Variants in AGBL4 observed in about 807,000 individuals in gnomAD.
AGBL4 encodes AGBL carboxypeptidase 4.
Under a neutral mutation model 66.4 loss-of-function variants are expected in AGBL4, and 58 were observed. The observed-to-expected ratio is 0.87, with a 90% CI of 0.71 to 1.09. AGBL4 has a LOEUF of 1.09. AGBL4 is among the 50% of genes least tolerant of loss of function. AGBL4 has a pLI of 0.00. For synonymous variants in AGBL4, 234 were observed against 222.9 expected (o/e 1.05, Z -0.44); for missense variants, 579 against 631.0 (o/e 0.92, Z 0.88).
intron 4 of AGBL4, among the ~76,000 whole-genome samples, chr1:49,156,063 T>C (rs1338770499): frequency 6.6e-6 from 1 of 152,224 alleles, no homozygotes; most frequent in Admixed American, 6.5e-5. Context: ...ATGCTGAATC[T>C]CTGACTCTTG....
At chr1:48,523,570 GA>G in the AGBL4 span, among the ~76,000 whole-genome samples, 3 of 152,228 alleles carry the variant, frequency 2.0e-5, no homozygotes, top group African/African-American at 7.2e-5. Flanking sequence ...AAGGATAAAT[GA>G]ATAAAAGAAA....
At chr1:49,286,706 T>C (rs1245239084) in intron 3 of AGBL4, among the ~76,000 whole-genome samples, 5 of 151,418 alleles carry the variant, frequency 3.3e-5, no homozygotes, top group African/African-American at 9.7e-5. Context: ...CTCAAGGAAA[T>C]AAAAGAGGAT....
chr1:48,791,186 G>A (rs559987704), intron 6 of AGBL4, among the ~76,000 whole-genome samples: 28 of 152,244 alleles, frequency 1.8e-4, no homozygotes, highest in Admixed American at 9.8e-4. Flanking sequence ...TCCATTGCTC[G>A]GCATTCCCTT....
intron 3 of AGBL4, among the ~76,000 whole-genome samples, chr1:49,426,073 C>A (rs1645651949): frequency 6.6e-6 from 1 of 151,988 alleles, no homozygotes; most frequent in Non-Finnish European, 1.5e-5. Flanking sequence ...AAGAGTAAGT[C>A]AAAAAAGATT....
At chr1:49,508,289 G>C (rs1388469909) in intron 3 of AGBL4, among the ~76,000 whole-genome samples, 1 of 151,732 alleles carries the variant, frequency 6.6e-6, no homozygotes, top group Non-Finnish European at 1.5e-5. Context: ...TTTTTGAAAA[G>C]TTAAAAGTTC....
rs539142288 is a variant in AGBL4 at position 48,790,987 on chromosome 1, G to A, written c.634+76204C>T. On this transcript the variant is annotated intron_variant, in intron 6 of 13. Coordinates refer to ENST00000371839, the MANE Select transcript of AGBL4 (RefSeq NM_032785.4). The stretch of plus-strand genomic sequence containing the variant: ...CATGTGATGCCTTCTACCATGCTAT[G>A]ACACAGCAAGAAAGCCCTCACCAGA... Among the ~76,000 whole-genome samples the A allele has an allele frequency of 2.0e-5, 3 of 152,272 alleles. No homozygotes were observed. In the South Asian group the frequency reaches 6.2e-4, roughly 32 times the overall value.
At chr1:50,006,198 G>C (rs909268278) in intron 1 of AGBL4, among the ~76,000 whole-genome samples, 1 of 152,104 alleles carries the variant, frequency 6.6e-6, no homozygotes, top group Non-Finnish European at 1.5e-5. Flanking sequence ...AATTAGCCAG[G>C]CGTGGTGGCG....
At chr1:49,130,635 A>G (rs958292223) in intron 4 of AGBL4, among the ~76,000 whole-genome samples, 14 of 151,960 alleles carry the variant, frequency 9.2e-5, no homozygotes, top group East Asian at 1.9e-4. Context: ...GATATGCGGC[A>G]TTATTTCTGA....
At chr1:49,939,433 C>T (rs139484885) in intron 1 of AGBL4, among the ~76,000 whole-genome samples, 606 of 152,096 alleles carry the variant, frequency 4.0e-3, no homozygotes, top group Middle Eastern at 0.037. Context: ...GGAGGCATCA[C>T]GCTACCTGAC....
In AGBL4 at chr1:48,924,708, G is replaced by T. The variant is rs189061420; in HGVS notation, c.595-57478C>A. ...ACATATCCAACTGTAGTATAATTCT[G>T]CAGCCTGAGGGGATGGAATTGCTGA... On this transcript the variant is annotated intron_variant, in intron 5 of 13. Transcript: ENST00000371839. Among the ~76,000 whole-genome samples, 268 of 152,154 alleles carry T rather than the reference G, an allele frequency of 1.8e-3. 2 individuals carry two copies. Among genetic ancestry groups the T allele is most frequent in the Non-Finnish European group, 1.9e-3 (131 of 67,978 alleles).
chr1:49,283,798 G>A (rs1250935615), intron 3 of AGBL4, among the ~76,000 whole-genome samples: 1 of 147,416 alleles, frequency 6.8e-6, no homozygotes, highest in African/African-American at 2.5e-5. Flanking sequence ...ATGAAATGAA[G>A]CGAGAAGGGA....
At chr1:48,912,580 A>G (rs12063725) in intron 5 of AGBL4, among the ~76,000 whole-genome samples, 12,133 of 152,210 alleles carry the variant, frequency 0.08, 659 homozygotes, top group East Asian at 0.17. Flanking sequence ...TATGTTGTCC[A>G]GCCCACTGCC....
chr1:49,793,350 T>C (rs1644650014), intron 2 of AGBL4, among the ~76,000 whole-genome samples: 1 of 152,072 alleles, frequency 6.6e-6, no homozygotes, highest in African/African-American at 2.4e-5. Context: ...TAAACGGATT[T>C]CTAGCTTCTC....
chr1:48,783,524 C>T (rs1312454561), intron 6 of AGBL4, among the ~76,000 whole-genome samples: 1 of 152,152 alleles, frequency 6.6e-6, no homozygotes, highest in African/African-American at 2.4e-5. Flanking sequence ...GAAATGTGGG[C>T]TTAGGAATCA....
At chr1:49,057,216 C>A (rs1202092937) in intron 4 of AGBL4, among the ~76,000 whole-genome samples, 4 of 152,058 alleles carry the variant, frequency 2.6e-5, no homozygotes, top group Non-Finnish European at 5.9e-5. Context: ...GCCTGGGCAA[C>A]ATGGCAAAAT....
chr1:49,880,535 G>C (rs1002385593), intron 1 of AGBL4, among the ~76,000 whole-genome samples: 14 of 152,140 alleles, frequency 9.2e-5, no homozygotes, highest in Non-Finnish European at 8.8e-5. Context: ...CTCCAGCTGC[G>C]TGCTGGGAGA....
intron 4 of AGBL4, among the ~76,000 whole-genome samples, chr1:49,077,048 G>A (rs771241659): frequency 1.5e-4 from 23 of 151,976 alleles, no homozygotes; most frequent in Non-Finnish European, 2.2e-4. Flanking sequence ...ATTTTCCTAA[G>A]AGGCTTTTAT....
intron 6 of AGBL4, among the ~76,000 whole-genome samples, chr1:48,685,983 C>A (rs752964265): frequency 4.5e-4 from 69 of 152,148 alleles, no homozygotes; most frequent in Non-Finnish European, 9.4e-4. Flanking sequence ...TTGTTGCCCC[C>A]ATTTTAGAGA....
intron 6 of AGBL4, among the ~76,000 whole-genome samples, chr1:48,720,259 C>G (rs947085090): frequency 1.3e-5 from 2 of 152,150 alleles, no homozygotes; most frequent in African/African-American, 4.8e-5. Flanking sequence ...CCAGAGGTCA[C>G]AAGAGGTGCC....
Sources: gnomAD v4.1 joint callset for allele counts (sites outside exome capture counted in the v4.1 genomes callset) on GRCh38, gnomAD v4.1.1 for gene constraint, MANE v1.5 for transcripts, NCBI Gene and HGNC (gene_info 2026-07-23, HGNC 2026-07-21) for gene names.